Variants in ATG2B observed in about 807,000 individuals in gnomAD.
The protein encoded by ATG2B is autophagy-related protein 2 homolog B.
Under a neutral mutation model 241.3 loss-of-function variants are expected in ATG2B, and 121 were observed. That is an observed-to-expected ratio of 0.50 (90% CI 0.43 to 0.58). ATG2B has a LOEUF of 0.58. ATG2B is among the 20% of genes least tolerant of loss of function. The pLI is 0.00. For synonymous variants in ATG2B, 858 were observed against 876.6 expected, an observed-to-expected ratio of 0.98 and a Z score of 0.37; for missense variants, 2,306 against 2,491.6, an observed-to-expected ratio of 0.93 and a Z score of 1.59.
intron 41 of ATG2B, among the ~76,000 whole-genome samples, chr14:96,287,922 C>G (rs755524834): frequency 4.6e-5 from 7 of 152,142 alleles, no homozygotes; most frequent in Non-Finnish European, 8.8e-5. Flanking sequence ...AAAAGATGAG[C>G]CTATCTATGA....
intron 1 of ATG2B, among the ~76,000 whole-genome samples, chr14:96,361,970 C>T (rs777219009): frequency 6.6e-6 from 1 of 152,094 alleles, no homozygotes; most frequent in Non-Finnish European, 1.5e-5. Flanking sequence ...TCCTGTCAAA[C>T]CCAAAAGTGA....
intron 1 of ATG2B, among the ~76,000 whole-genome samples, chr14:96,360,078 T>A (rs1485687276): frequency 6.6e-6 from 1 of 152,204 alleles, no homozygotes; most frequent in Non-Finnish European, 1.5e-5. Context: ...AAACCAGACC[T>A]TTAAACAGTA....
Position 96,313,166 on chromosome 14 carries a change from A to C in ATG2B, c.3750-9T>G. 1 of 1,592,300 alleles carries C rather than the reference A, an allele frequency of 6.3e-7. No homozygotes were observed. Among genetic ancestry groups the C allele is most frequent in the Non-Finnish European group, 8.6e-7 (1 of 1,161,612 alleles). ...TTGGCAAATAAAGGGGTCTAATGCC[A>C]AAGAGAAACAAAAGAACATCAGTTT... On this transcript the variant is annotated splice_polypyrimidine_tract_variant and intron_variant, in intron 24 of 41. Transcript: ENST00000359933.
At chr14:96,361,317 T>G (rs1260662909) in intron 1 of ATG2B, among the ~76,000 whole-genome samples, 2 of 152,206 alleles carry the variant, frequency 1.3e-5, no homozygotes, top group Admixed American at 6.5e-5. Context: ...CTGCCTTTCT[T>G]TTGATCTTAG....
intron 1 of ATG2B, among the ~76,000 whole-genome samples, chr14:96,355,674 A>G (rs1157790137): frequency 6.6e-6 from 1 of 152,168 alleles, no homozygotes; most frequent in African/African-American, 2.4e-5. Flanking sequence ...ATTGGTCTTT[A>G]TCTTTCACAG....
At chr14:96,346,136 T>C (rs993946490) in intron 2 of ATG2B, among the ~76,000 whole-genome samples, 4 of 152,108 alleles carry the variant, frequency 2.6e-5, no homozygotes, top group Non-Finnish European at 4.4e-5. Flanking sequence ...GTGGCAGAAG[T>C]AGTAGATGAT....
chr14:96,327,063 C>T (rs1251120296), intron 14 of ATG2B, among the ~76,000 whole-genome samples: 1 of 152,040 alleles, frequency 6.6e-6, no homozygotes, highest in Admixed American at 6.6e-5. Context: ...GCCTGGGAAA[C>T]ATAGGGAGAC....
chr14:96,302,579 G>T (rs555211779), intron 33 of ATG2B, among the ~76,000 whole-genome samples: 33 of 149,590 alleles, frequency 2.2e-4, no homozygotes, highest in Admixed American at 1.9e-3. Flanking sequence ...CTGTTGGGGG[G>T]AAAAAAAAAA....
chr14:96,357,949 CAG>C (rs2139912833), intron 1 of ATG2B, among the ~76,000 whole-genome samples: 1 of 152,212 alleles, frequency 6.6e-6, no homozygotes, highest in African/African-American at 2.4e-5. Flanking sequence ...AAAAACCTAA[CAG>C]TGTTTAAAAC....
chr14:96,324,075 C>T, intron 15 of ATG2B, 77 bp from the exon 16 acceptor site: 1 of 960,652 alleles, frequency 1.0e-6, no homozygotes, highest in Non-Finnish European at 1.6e-6. Flanking sequence ...CAAAGATCCT[C>T]TCAATCAGGA....
At position 96,341,682 on chromosome 14, in the gene ATG2B, G is replaced by A. The variant is rs146583526; in HGVS notation, c.764C>T (p.Ser255Leu). ...AATAATTTTGGGGTTCCAGCTAGGT[G>A]AGAGCTTTGGCTCAGTTTCCTACAA... is the stretch of plus-strand genomic sequence containing the variant. ...TAPVETEPKLSPSWNPKIIYE... is the reference protein window; with the variant it reads ...TAPVETEPKLLPSWNPKIIYE... Residue 255 changes from serine (S) to leucine (L), a missense_variant, in exon 6 of 42, where the codon TCA becomes TTA. Ser to Leu is a moderately radical substitution (Grantham distance 145). Transcript: ENST00000359933. The A allele has an allele frequency of 2.1e-4, 330 of 1,580,066 alleles. No homozygotes were observed. In the African/African-American group the frequency reaches 4.0e-3, roughly 19 times the overall value.
chr14:96,312,832 C>T (rs1887197686), intron 25 of ATG2B, among the ~76,000 whole-genome samples: 1 of 152,046 alleles, frequency 6.6e-6, no homozygotes, highest in African/African-American at 2.4e-5. Flanking sequence ...AAAATGCAAA[C>T]TTTTTAAAGA....
Position 96,295,151 on chromosome 14 carries a change from T to C in ATG2B, c.5235A>G (p.Gly1745=). The C allele has an allele frequency of 6.2e-7, 1 of 1,613,940 alleles. No homozygotes were observed. Among genetic ancestry groups the C allele is most frequent in the Non-Finnish European group, 8.5e-7 (1 of 1,179,906 alleles). The change falls in exon 36 of 42, where the codon GGA becomes GGG. Residue 1745 remains glycine, a synonymous_variant. Transcript: ENST00000359933. ...TPDPEVKKSP[G]ADVTCSLPRH... ...TTGGCAAACTGCAGGTGACATCAGC[T>C]CCAGGAGACTTTTTAACTGAAAATG...
chr14:96,357,660 T>C (rs1888514394), intron 1 of ATG2B, among the ~76,000 whole-genome samples: 2 of 151,750 alleles, frequency 1.3e-5, no homozygotes, highest in African/African-American at 4.8e-5. Flanking sequence ...TTCCCTCTAC[T>C]TGTGTTTTTC....
At chr14:96,316,760 T>C (rs1887324870) in intron 20 of ATG2B, 77 bp from the exon 21 acceptor site, 2 of 1,317,718 alleles carry the variant, frequency 1.5e-6, no homozygotes, top group Non-Finnish European at 2.1e-6. Flanking sequence ...AGATGCTCTT[T>C]GTTGATTCAG....
intron 35 of ATG2B, 145 bp from the exon 36 acceptor site, chr14:96,295,312 T>A: frequency 1.0e-6 from 1 of 961,742 alleles, no homozygotes; most frequent in Non-Finnish European, 1.5e-6. Context: ...TTTCACCTTT[T>A]AAATTATTAC....
chr14:96,310,096 C>T (rs920491939), intron 28 of ATG2B, among the ~76,000 whole-genome samples: 4 of 152,090 alleles, frequency 2.6e-5, no homozygotes, highest in Non-Finnish European at 5.9e-5. Context: ...AATACTTCAC[C>T]AATGGTTGGT....
intron 1 of ATG2B, among the ~76,000 whole-genome samples, chr14:96,358,330 C>T (rs988282926): frequency 6.6e-6 from 1 of 151,996 alleles, no homozygotes; most frequent in African/African-American, 2.4e-5. Flanking sequence ...CCCACCTACT[C>T]AGGAGGCTGG....
rs1354413647 is a variant in ATG2B, at chr14:96,323,978, C to T, written c.2458G>A (p.Gly820Arg). The change falls in exon 16 of 42, where the codon GGA becomes AGA. Residue 820 changes from glycine to arginine, a missense_variant. Physicochemically the swap from Gly to Arg is moderately radical, Grantham distance 125. Around this residue, in one of 2 missense-constraint regions of ATG2B, gnomAD observed 1,927 missense variants for 2,011.2 expected, o/e 0.96. Coordinates refer to ENST00000359933, the MANE Select transcript of ATG2B (RefSeq NM_018036.7). ...TGGAAAAACTTAATAGATGGATCTCCTTTCTCTTCCTGGAACGATCCTAAA... is the reference window on the plus strand; with the variant it reads ...TGGAAAAACTTAATAGATGGATCTCTTTTCTCTTCCTGGAACGATCCTAAA... ...ELIGSFQEEK[G>R]DPSIKFFHVS... 1.9e-6 allele frequency: 3 copies of T among 1,603,758 alleles called. No homozygotes were observed. Among genetic ancestry groups the T allele is most frequent in the Non-Finnish European group, 2.6e-6 (3 of 1,176,084 alleles).
Sources: allele counts gnomAD v4.1 joint callset (sites outside exome capture counted in the v4.1 genomes callset), GRCh38; gene constraint gnomAD v4.1.1; regional missense constraint gnomAD v4.1.1; transcripts MANE v1.5; gene names NCBI Gene and HGNC (gene_info 2026-07-23, HGNC 2026-07-21).